Variants in KCNIP1 observed in about 807,000 individuals in gnomAD.
The protein encoded by KCNIP1 is A-type potassium channel modulatory protein KCNIP1.
A neutral mutation model predicts 33.0 loss-of-function variants in KCNIP1; 18 were observed. The ratio of observed to expected loss-of-function variants is 0.55; its 90% CI spans 0.38 to 0.81. The LOEUF is 0.81. Ranked by LOEUF, KCNIP1 falls within the 30% of genes least tolerant of loss-of-function variation. KCNIP1 has a pLI of 0.00. For synonymous variants in KCNIP1, 93 were observed against 98.3 expected (o/e 0.95, Z 0.32); for missense variants, 238 against 271.6 (o/e 0.88, Z 0.87).
intron 1 of KCNIP1, among the ~76,000 whole-genome samples, chr5:170,700,161 A>G (rs1483934708): frequency 6.6e-6 from 1 of 151,846 alleles, no homozygotes; most frequent in Non-Finnish European, 1.5e-5. Flanking sequence ...GGCTCCTTGT[A>G]GAGGATGTTC....
chr5:170,462,725 C>T (rs1756532312), intron 1 of KCNIP1, among the ~76,000 whole-genome samples: 1 of 152,070 alleles, frequency 6.6e-6, no homozygotes, highest in Non-Finnish European at 1.5e-5. Context: ...AACGTGGAAC[C>T]AGCCCAAATG....
At chr5:170,480,871 G>T (rs1756962426) in intron 1 of KCNIP1, among the ~76,000 whole-genome samples, 1 of 151,874 alleles carries the variant, frequency 6.6e-6, no homozygotes, top group Non-Finnish European at 1.5e-5. Flanking sequence ...TTTTTTCCAG[G>T]ACTATTAGTT....
At chr5:170,355,147 C>G (rs1421283506) in intron 1 of KCNIP1, among the ~76,000 whole-genome samples, 1 of 152,174 alleles carries the variant, frequency 6.6e-6, no homozygotes, top group Non-Finnish European at 1.5e-5. Flanking sequence ...TCTGACCTTC[C>G]TGTTATTTCC....
In KCNIP1 at chr5:170,722,774, C is replaced by T. The variant is rs1370427062; in HGVS notation, c.389C>T (p.Thr130Ile). The stretch of plus-strand genomic sequence containing the variant: ...ACTGTCCACGAGAAACTAAGGTGGA[C>T]ATTTAATTTGTATGACATCAACAAG... ...RGTVHEKLRW[T>I]FNLYDINKDG... The change falls in exon 5 of 8, where the codon ACA (threonine) becomes ATA (isoleucine). Residue 130 changes from threonine (T) to isoleucine (I), a missense_variant. Transcript: ENST00000328939. 6.2e-7 allele frequency: 1 copy of T among 1,613,912 alleles called. No individual in the cohort carries two copies. Among genetic ancestry groups the T allele is most frequent in the South Asian group, 1.1e-5 (1 of 91,056 alleles).
intron 1 of KCNIP1, among the ~76,000 whole-genome samples, chr5:170,530,462 A>G (rs1002889730): frequency 5.3e-5 from 8 of 152,176 alleles, no homozygotes; most frequent in African/African-American, 1.9e-4. Flanking sequence ...CTTGCATATA[A>G]TGTATCCGGA....
At chr5:170,709,734 A>C (rs903327322) in intron 1 of KCNIP1, among the ~76,000 whole-genome samples, 1 of 151,952 alleles carries the variant, frequency 6.6e-6, no homozygotes, top group Non-Finnish European at 1.5e-5. Context: ...TAAAATGTTC[A>C]TTTATTAGCT....
intron 1 of KCNIP1, among the ~76,000 whole-genome samples, chr5:170,372,357 C>G (rs1029857713): frequency 2.0e-5 from 3 of 152,100 alleles, no homozygotes; most frequent in African/African-American, 4.8e-5. Flanking sequence ...CCAGAAGCCC[C>G]CCAAACCCTA....
intron 1 of KCNIP1, among the ~76,000 whole-genome samples, chr5:170,690,103 A>T (rs1762671670): frequency 6.6e-6 from 1 of 152,222 alleles, no homozygotes; most frequent in African/African-American, 2.4e-5. Context: ...CACGGTGCCC[A>T]GCACATAGTA....
chr5:170,524,356 A>G (rs1755491277), intron 1 of KCNIP1, among the ~76,000 whole-genome samples: 1 of 152,110 alleles, frequency 6.6e-6, no homozygotes, highest in Non-Finnish European at 1.5e-5. Context: ...CTGAGCATAC[A>G]TGTGTGGAAG....
At position 170,572,520 on chromosome 5, in the gene KCNIP1, C is replaced by T. The variant is rs192688566; in HGVS notation, c.61+67887C>T. Among the ~76,000 whole-genome samples, 8 of 152,358 alleles carry T rather than the reference C, an allele frequency of 5.3e-5. No individual in the cohort carries two copies. The East Asian group carries it at 1.3e-3, about 26-fold the overall frequency. On this transcript the variant is annotated intron_variant, in intron 1 of 7. Coordinates refer to ENST00000328939, the MANE Select transcript of KCNIP1 (RefSeq NM_014592.4). The stretch of plus-strand genomic sequence containing the variant: ...ATATTTATAACCTGACTAGGCAGCG[C>T]TTAAAAGATCAAGGCATACGTGGTG...
intron 1 of KCNIP1, among the ~76,000 whole-genome samples, chr5:170,653,708 G>A (rs79949258): frequency 0.055 from 8,324 of 151,530 alleles, 298 homozygotes; most frequent in Non-Finnish European, 0.081. Context: ...ATCTCTGCTT[G>A]TTTCCCTTTA....
intron 1 of KCNIP1, among the ~76,000 whole-genome samples, chr5:170,487,015 T>A (rs1474715677): frequency 6.6e-6 from 1 of 152,218 alleles, no homozygotes; most frequent in Non-Finnish European, 1.5e-5. Context: ...CACATTATTA[T>A]ATATTACACA....
chr5:170,474,153 A>C (rs1356328398), intron 1 of KCNIP1, among the ~76,000 whole-genome samples: 1 of 152,204 alleles, frequency 6.6e-6, no homozygotes, highest in Non-Finnish European at 1.5e-5. Flanking sequence ...TTAGTAAAAC[A>C]ATCTGTATCA....
intron 1 of KCNIP1, among the ~76,000 whole-genome samples, chr5:170,474,783 A>C (rs1166686144): frequency 6.6e-6 from 1 of 152,172 alleles, no homozygotes; most frequent in African/African-American, 2.4e-5. Flanking sequence ...TCAAGAATGA[A>C]GCCACCAGAC....
At chr5:170,432,482 C>T (rs567633292) in intron 1 of KCNIP1, among the ~76,000 whole-genome samples, 1 of 152,262 alleles carries the variant, frequency 6.6e-6, no homozygotes, top group East Asian at 1.9e-4. Context: ...TCAGAGCTGG[C>T]ACTTGAGGGT....
At chr5:170,561,523 T>A (rs946986101) in intron 1 of KCNIP1, among the ~76,000 whole-genome samples, 1 of 152,196 alleles carries the variant, frequency 6.6e-6, no homozygotes, top group Non-Finnish European at 1.5e-5. Flanking sequence ...AGCGTTGGCT[T>A]CCTCCTCTCT....
At chr5:170,521,058 T>C (rs1755346166) in intron 1 of KCNIP1, among the ~76,000 whole-genome samples, 1 of 152,186 alleles carries the variant, frequency 6.6e-6, no homozygotes, top group Non-Finnish European at 1.5e-5. Context: ...GTTTGGGTTG[T>C]TACAGTGTGA....
At chr5:170,627,041 G>A (rs1321756675) in intron 1 of KCNIP1, among the ~76,000 whole-genome samples, 1 of 152,158 alleles carries the variant, frequency 6.6e-6, no homozygotes, top group East Asian at 1.9e-4. Flanking sequence ...CCGGTGTTCA[G>A]TGGGGCCAGC....
intron 1 of KCNIP1, among the ~76,000 whole-genome samples, chr5:170,397,414 C>T (rs1754789072): frequency 6.6e-6 from 1 of 152,156 alleles, no homozygotes; most frequent in Non-Finnish European, 1.5e-5. Flanking sequence ...ACATAGATAT[C>T]AGTCCATCTC....
Sources: gnomAD v4.1 joint callset for allele counts (sites outside exome capture counted in the v4.1 genomes callset) on GRCh38, gnomAD v4.1.1 for gene constraint, MANE v1.5 for transcripts, NCBI Gene and HGNC (gene_info 2026-07-23, HGNC 2026-07-21) for gene names.